IGSF21: variants seen among roughly 807,000 people sequenced by gnomAD.
The protein encoded by IGSF21 is immunoglobin superfamily member 21, also known as immunoglobulin superfamily member 21.
IGSF21 carries 28 observed loss-of-function variants against 46.8 expected under a neutral mutation model. The observed-to-expected ratio is 0.60, with a 90% CI of 0.44 to 0.82. IGSF21 has a LOEUF of 0.82. Among genes scored for constraint, IGSF21 ranks in the 40% least tolerant of loss-of-function variants. The pLI is 0.00. For missense variants in IGSF21, 624 were observed against 665.5 expected (o/e 0.94, Z 0.69); for synonymous variants, 284 against 273.6 (o/e 1.04, Z -0.38).
Position 18,337,793 on chromosome 1 carries a change from G to A in IGSF21, c.424+2783G>A, listed in dbSNP as rs192850501. On this transcript the variant is annotated intron_variant, in intron 4 of 9. Coordinates refer to ENST00000251296, the MANE Select transcript of IGSF21 (RefSeq NM_032880.5). This position sits in a 1 kb window ranked among gnomAD's most constrained non-coding sequence, Gnocchi z 5.7. ...AATTTCAGAGGGGCTTTCACATTGA[G>A]GACATCATCCAATCCTCACTGCAGA... Among the ~76,000 whole-genome samples the A allele has an allele frequency of 1.7e-4, 26 of 152,288 alleles. No individual in the cohort carries two copies. The highest frequency in any genetic ancestry group is 5.5e-4 in the African/African-American group (23 of 41,550).
At chr1:18,333,841 A>AT (rs1485675421) in intron 3 of IGSF21, among the ~76,000 whole-genome samples, 3 of 152,186 alleles carry the variant, frequency 2.0e-5, no homozygotes, top group East Asian at 1.9e-4. Context: ...CTCATCGCCT[A>AT]TTTTTTTACA....
At chr1:18,333,976 T>A (rs1175924216) in intron 3 of IGSF21, among the ~76,000 whole-genome samples, 1 of 152,270 alleles carries the variant, frequency 6.6e-6, no homozygotes, top group African/African-American at 2.4e-5. Context: ...TAAAGTTTTA[T>A]TGGAGCACAG....
intron 2 of IGSF21, among the ~76,000 whole-genome samples, chr1:18,250,419 A>G (rs969656266): frequency 4.8e-4 from 73 of 152,170 alleles, no homozygotes; most frequent in African/African-American, 1.7e-3. Context: ...CACCTTCTGC[A>G]TCTGGTGAAG....
chr1:18,179,537 T>G (rs932218875), intron 1 of IGSF21, among the ~76,000 whole-genome samples: 35 of 152,256 alleles, frequency 2.3e-4, no homozygotes, highest in African/African-American at 8.2e-4. Context: ...TCATTATTAT[T>G]TTATTCATTT....
intron 2 of IGSF21, among the ~76,000 whole-genome samples, chr1:18,248,403 C>T (rs921309188): frequency 1.6e-4 from 25 of 152,292 alleles, no homozygotes; most frequent in African/African-American, 5.8e-4. Context: ...TGGTGAAATT[C>T]TGTGGCGTGA....
In IGSF21 at chr1:18,115,790, G is replaced by C. The variant is rs1002422678; in HGVS notation, c.70+7592G>C. 7 of 151,212 alleles carry C rather than the reference G, an allele frequency of 4.6e-5. No homozygotes were observed. The East Asian group carries it at 1.4e-3, about 30-fold the overall frequency. 9.4% of individuals were successfully genotyped at this position (151,212 alleles called of 1,614,324 possible). A position where few individuals can be genotyped will look rare whatever the true frequency, so the allele number is the denominator to read the frequency against. The stretch of plus-strand genomic sequence containing the variant: ...AGAAGGAAGGAGGGAGGAAAGGAAG[G>C]AAAAAGGTTGAGAAGGGAGGGAGGA... On this transcript the variant is annotated intron_variant, in intron 1 of 9. Transcript: ENST00000251296.
chr1:18,376,032 T>A, intron 6 of IGSF21: 1 of 352,170 alleles, frequency 2.8e-6, no homozygotes, highest in Non-Finnish European at 5.5e-6. Context: ...TTGTCTTTCT[T>A]CCCCACTGAT....
intron 3 of IGSF21, among the ~76,000 whole-genome samples, chr1:18,296,867 G>A (rs924949464): frequency 2.6e-5 from 4 of 152,198 alleles, no homozygotes; most frequent in African/African-American, 4.8e-5. Flanking sequence ...CTCAGGAAGC[G>A]ATGAGGAACA....
At chr1:18,121,967 T>A (rs2124408213) in intron 1 of IGSF21, among the ~76,000 whole-genome samples, 1 of 152,318 alleles carries the variant, frequency 6.6e-6, no homozygotes, top group East Asian at 1.9e-4. Context: ...TTCTGTCTCC[T>A]TGAGCCAGGT....
intron 1 of IGSF21, among the ~76,000 whole-genome samples, chr1:18,168,451 C>A: frequency 6.6e-6 from 1 of 152,148 alleles, no homozygotes; most frequent in East Asian, 1.9e-4. Context: ...CAGCACAGAA[C>A]CAACATCCTG....
At chr1:18,229,165 C>T (rs10907296) in intron 2 of IGSF21, among the ~76,000 whole-genome samples, 23,418 of 152,082 alleles carry the variant, frequency 0.15, 2,205 homozygotes, top group Non-Finnish European at 0.2. Flanking sequence ...TCAAATGAAA[C>T]GGATGGATAG....
At chr1:18,218,731 G>A (rs1181976803) in intron 1 of IGSF21, among the ~76,000 whole-genome samples, 1 of 152,074 alleles carries the variant, frequency 6.6e-6, no homozygotes, top group Non-Finnish European at 1.5e-5. Context: ...ACTCACATGG[G>A]GAAAGAAAAT....
At chr1:18,145,319 C>G (rs569544827) in intron 1 of IGSF21, among the ~76,000 whole-genome samples, 1 of 152,148 alleles carries the variant, frequency 6.6e-6, no homozygotes, top group Non-Finnish European at 1.5e-5. Context: ...TTCTTGCCAC[C>G]AATTTCCTCA....
At chr1:18,253,515 C>T (rs1349974817) in intron 2 of IGSF21, among the ~76,000 whole-genome samples, 3 of 152,178 alleles carry the variant, frequency 2.0e-5, no homozygotes, top group African/African-American at 7.2e-5. Flanking sequence ...CCTACCAGTC[C>T]CTGGGATCCA....
Position 18,365,408 on chromosome 1 carries a change from C to T in IGSF21, c.726C>T (p.Tyr242=). 1 of 1,614,062 alleles carries T rather than the reference C, an allele frequency of 6.2e-7. No individual in the cohort carries two copies. The highest frequency in any genetic ancestry group is 1.1e-5 in the South Asian group (1 of 91,064). Residue 242 remains tyrosine, a synonymous_variant, in exon 6 of 10, where the codon TAC becomes TAT. Transcript: ENST00000251296. The surrounding 1 kb of genome is among the most constrained non-coding windows in gnomAD (Gnocchi z 4.8). The part of the protein sequence containing the change: ...LDAENRGGRP[Y]TERPSRGLTP... Reference sequence around the variant, plus strand: ...CCGAGAACCGGGGTGGGCGACCCTACACGGAGCGCCCCTCCCGTGGCCTGA... The same window carrying T: ...CCGAGAACCGGGGTGGGCGACCCTATACGGAGCGCCCCTCCCGTGGCCTGA...
In IGSF21 at chr1:18,365,824, G is replaced by A. The variant is rs1466803465; in HGVS notation, c.1015+127G>A. On this transcript the variant is annotated intron_variant, in intron 6 of 9. Transcript: ENST00000251296. The surrounding 1 kb of genome is among the most constrained non-coding windows in gnomAD (Gnocchi z 4.8). Reference sequence around the variant, plus strand: ...GAGGAGATGGAGCAAACTGGAGTCAGGATGAGCACAAATGGTAGAGTCAGG... The same window carrying A: ...GAGGAGATGGAGCAAACTGGAGTCAAGATGAGCACAAATGGTAGAGTCAGG... 1 of 753,864 alleles carries A rather than the reference G, an allele frequency of 1.3e-6. No individual in the cohort carries two copies. Among genetic ancestry groups the A allele is most frequent in the African/African-American group, 1.8e-5 (1 of 56,554 alleles). The allele number at this position is 753,864 out of a possible 1,614,324, so 46.7% of individuals were successfully genotyped here. A position where few individuals can be genotyped will look rare whatever the true frequency, so the allele number is the denominator to read the frequency against.
At chr1:18,289,405 C>A (rs1406437051) in intron 2 of IGSF21, among the ~76,000 whole-genome samples, 1 of 152,196 alleles carries the variant, frequency 6.6e-6, no homozygotes, top group East Asian at 1.9e-4. Flanking sequence ...ATTCAGTTCA[C>A]CCGCAGTCTC....
chr1:18,298,976 C>T (rs77079460), intron 3 of IGSF21, among the ~76,000 whole-genome samples: 1 of 152,236 alleles, frequency 6.6e-6, no homozygotes, highest in African/African-American at 2.4e-5. Context: ...AGATAAAACA[C>T]GAGATAAATA....
chr1:18,119,662 C>A (rs575748693), intron 1 of IGSF21, among the ~76,000 whole-genome samples: 12 of 152,274 alleles, frequency 7.9e-5, no homozygotes, highest in Middle Eastern at 3.4e-3. Context: ...AGCTTTAATG[C>A]CCCTCTATCA....
Sources: allele counts gnomAD v4.1 joint callset (sites outside exome capture counted in the v4.1 genomes callset), GRCh38; gene constraint gnomAD v4.1.1; non-coding constraint Gnocchi (gnomAD v3.1); transcripts MANE v1.5; gene names NCBI Gene and HGNC (gene_info 2026-07-23, HGNC 2026-07-21).